The following C2CD5 variants were observed in gnomAD, a reference collection of about 807,000 sequenced individuals.
C2CD5 encodes C2 calcium dependent domain containing 5, also known as C2 domain-containing protein 5.
In C2CD5, 109 loss-of-function variants were observed where a neutral mutation model predicts 130.3. The ratio of observed to expected loss-of-function variants is 0.84; its 90% CI spans 0.72 to 0.98. The LOEUF is 0.98. Ranked by LOEUF, C2CD5 falls within the 50% of genes least tolerant of loss-of-function variation. The pLI is 0.00. For missense variants in C2CD5, 996 were observed against 1,261.8 expected, an observed-to-expected ratio of 0.79 and a Z score of 3.19; for synonymous variants, 454 against 429.2, an observed-to-expected ratio of 1.06 and a Z score of -0.71.
chr12:22,474,393 T>C (rs1233713121), intron 16 of C2CD5, among the ~76,000 whole-genome samples: 1 of 152,180 alleles, frequency 6.6e-6, no homozygotes, highest in African/African-American at 2.4e-5. Context: ...AAAAATGTTA[T>C]AACTACAGTA....
intron 21 of C2CD5, among the ~76,000 whole-genome samples, chr12:22,470,088 A>C (rs962030627): frequency 1.3e-5 from 2 of 152,128 alleles, no homozygotes; most frequent in Non-Finnish European, 2.9e-5. Context: ...TTAATATCCT[A>C]TACTTTGTCC....
chr12:22,469,408 T>C (rs1037182046), intron 22 of C2CD5, among the ~76,000 whole-genome samples: 1 of 152,152 alleles, frequency 6.6e-6, no homozygotes, highest in Non-Finnish European at 1.5e-5. Context: ...ATATCAAGTA[T>C]TCTATGTGTG....
At chr12:22,470,532 T>G (rs913316358) in intron 21 of C2CD5, among the ~76,000 whole-genome samples, 3 of 152,086 alleles carry the variant, frequency 2.0e-5, no homozygotes, top group Non-Finnish European at 4.4e-5. Context: ...CCAGAGATCT[T>G]AGTATAGAAA....
chr12:22,524,774 C>T, intron 5 of C2CD5, 147 bp from the exon 6 acceptor site: 1 of 593,632 alleles, frequency 1.7e-6, no homozygotes, highest in South Asian at 2.2e-5. Flanking sequence ...AATAATACTT[C>T]CAGTCTTCTA....
chr12:22,534,612 A>C (rs746919264), intron 3 of C2CD5: 2 of 152,258 alleles, frequency 1.3e-5, no homozygotes, highest in Non-Finnish European at 2.9e-5. Context: ...AAATTCTGAT[A>C]CATGTTACAG....
chr12:22,472,704 G>A lies in C2CD5; in HGVS notation c.2107+40C>T, dbSNP rs747878073. On this transcript the variant is annotated intron_variant, in intron 17 of 26. Coordinates refer to ENST00000446597, the MANE Select transcript of C2CD5 (RefSeq NM_001286176.2). ...CAATTATGAGCTAAAACATTTATAT[G>A]TAAAACTAGTTTCATCTCAAAGATA... The A allele has an allele frequency of 3.7e-6, 4 of 1,088,286 alleles. No individual in the cohort carries two copies. In the South Asian group the frequency reaches 5.0e-5, roughly 14 times the overall value. The allele number at this position is 1,088,286 out of a possible 1,614,324, so 67.4% of individuals were successfully genotyped here.
At chr12:22,543,930 G>C (rs1052083892) in intron 2 of C2CD5, 131 bp downstream of exon 2, 1 of 678,408 alleles carries the variant, frequency 1.5e-6, no homozygotes, top group African/African-American at 1.8e-5. Flanking sequence ...CCTCGTGGGA[G>C]AGCTGGACAA....
At chr12:22,454,338 G>GC (rs1327045009) in intron 25 of C2CD5, among the ~76,000 whole-genome samples, 2 of 152,104 alleles carry the variant, frequency 1.3e-5, no homozygotes, top group African/African-American at 4.8e-5. Context: ...AAATGGCAAG[G>GC]CAAGAATTCA....
intron 22 of C2CD5, among the ~76,000 whole-genome samples, chr12:22,461,844 T>C (rs1031174240): frequency 6.6e-6 from 1 of 152,156 alleles, no homozygotes; most frequent in African/African-American, 2.4e-5. Context: ...AGATTTTTGA[T>C]TTCACTTAGG....
At chr12:22,496,682 T>G (rs1355421094) in intron 10 of C2CD5, among the ~76,000 whole-genome samples, 1 of 149,318 alleles carries the variant, frequency 6.7e-6, no homozygotes, top group East Asian at 1.9e-4. Flanking sequence ...TATATACAAA[T>G]TATATATTTT....
chr12:22,539,804 G>T (rs1176722376), intron 2 of C2CD5, among the ~76,000 whole-genome samples: 2 of 152,024 alleles, frequency 1.3e-5, no homozygotes, highest in African/African-American at 4.8e-5. Context: ...GACCAGTCTG[G>T]GCAACATGGT....
chr12:22,507,030 A>G (rs1948630554), intron 9 of C2CD5: 1 of 401,950 alleles, frequency 2.5e-6, no homozygotes, highest in Non-Finnish European at 4.5e-6. Flanking sequence ...TACAGAATCC[A>G]AAGACCCATT....
intron 25 of C2CD5, among the ~76,000 whole-genome samples, chr12:22,456,598 C>T (rs1239144155): frequency 6.6e-6 from 1 of 152,176 alleles, no homozygotes; most frequent in Non-Finnish European, 1.5e-5. Flanking sequence ...CATAAAGTAT[C>T]TCCTTAGACA....
chr12:22,524,390 G>T, intron 6 of C2CD5, 82 bp downstream of exon 6: 1 of 1,127,068 alleles, frequency 8.9e-7, no homozygotes, highest in Non-Finnish European at 1.3e-6. Flanking sequence ...TCATTGTAAA[G>T]TTGAGGTAGC....
intron 7 of C2CD5, among the ~76,000 whole-genome samples, chr12:22,520,308 T>C (rs1367608886): frequency 6.6e-6 from 1 of 152,162 alleles, no homozygotes; most frequent in African/African-American, 2.4e-5. Flanking sequence ...CTTTACCTGA[T>C]CTTTTCTTTC....
At chr12:22,519,310 A>G in intron 7 of C2CD5, 3 of 1,328,010 alleles carry the variant, frequency 2.3e-6, no homozygotes, top group Non-Finnish European at 3.0e-6. Context: ...GTTATGTTAA[A>G]ATAATTTCAA....
At chr12:22,518,202 T>A in intron 7 of C2CD5, 65 bp from the exon 8 acceptor site, 1 of 1,464,588 alleles carries the variant, frequency 6.8e-7, no homozygotes, top group East Asian at 2.3e-5. Flanking sequence ...GGTGGCAGCA[T>A]GATCCAAACA....
intron 14 of C2CD5, among the ~76,000 whole-genome samples, chr12:22,479,157 T>C (rs930304426): frequency 5.3e-5 from 8 of 151,732 alleles, no homozygotes; most frequent in African/African-American, 1.9e-4. Context: ...CACTGCAACC[T>C]CCAACTCCTG....
At chr12:22,493,122 C>T in intron 11 of C2CD5, 101 bp downstream of exon 11, 1 of 674,718 alleles carries the variant, frequency 1.5e-6, no homozygotes, top group East Asian at 2.6e-5. Context: ...TGCTCCTGAA[C>T]ACTTCGCTAT....
Sources: allele counts gnomAD v4.1 joint callset (sites outside exome capture counted in the v4.1 genomes callset), GRCh38; gene constraint gnomAD v4.1.1; transcripts MANE v1.5; gene names NCBI Gene and HGNC (gene_info 2026-07-23, HGNC 2026-07-21).